The following GTF2I variants were observed in gnomAD, a reference collection of about 807,000 sequenced individuals.
GTF2I encodes general transcription factor IIi, also known as general transcription factor II-I.
A neutral mutation model predicts 67.6 loss-of-function variants in GTF2I; 12 were observed. That is an observed-to-expected ratio of 0.18 (90% confidence interval 0.11 to 0.29). The LOEUF (loss-of-function observed/expected upper bound fraction) is 0.29, where lower values mean the gene tolerates loss of function less well. Among genes scored for constraint, GTF2I ranks in the 10% least tolerant of loss-of-function variants. The pLI, the probability that GTF2I is intolerant of heterozygous loss-of-function variation, is 1.00. For missense variants in GTF2I, 271 were observed against 580.1 expected (o/e 0.47, Z 5.47); for synonymous variants, 149 against 197.0 (o/e 0.76, Z 2.04).
chr7:74,714,918 TATA>T lies in GTF2I; in HGVS notation c.823+5_823+7del, dbSNP rs1792072112. 6.3e-7 allele frequency: 1 copy of T among 1,584,832 alleles called. No homozygotes were observed. The highest frequency in any genetic ancestry group is 1.1e-5 in the South Asian group (1 of 87,910). On this transcript the variant is annotated splice_donor_5th_base_variant and intron_variant, in intron 10 of 34. Coordinates refer to ENST00000573035, the MANE Select transcript of GTF2I (RefSeq NM_032999.4). ...AGCCCCTATCGAAGCCTTTGCAAGG[TATA>T]ATCTTTTCACTTCCATTCTCCCACA...
At chr7:74,710,412 A>T (rs1584237698) in intron 8 of GTF2I, among the ~76,000 whole-genome samples, 1 of 152,234 alleles carries the variant, frequency 6.6e-6, no homozygotes, top group Admixed American at 6.5e-5. Context: ...CCCAAAGTCA[A>T]CTTTTTAATA....
chr7:74,702,740 T>TC (rs1189938515), intron 6 of GTF2I, among the ~76,000 whole-genome samples: 6 of 150,324 alleles, frequency 4.0e-5, no homozygotes, highest in African/African-American at 7.3e-5. Flanking sequence ...TTTCTTTCTT[T>TC]TTTTTTTTTT....
chr7:74,696,607 C>G (rs1584168662), intron 3 of GTF2I, among the ~76,000 whole-genome samples: 1 of 152,226 alleles, frequency 6.6e-6, no homozygotes, highest in East Asian at 1.9e-4. Context: ...ATTCTTCTGC[C>G]TCCGCCTCCC....
chr7:74,728,389 T>C (rs1257476386), intron 12 of GTF2I, among the ~76,000 whole-genome samples: 1 of 151,136 alleles, frequency 6.6e-6, no homozygotes, highest in Non-Finnish European at 1.5e-5. Flanking sequence ...TAAGCTTAAA[T>C]ATCTTTTCCA....
chr7:74,681,536 C>G (rs377458026), intron 1 of GTF2I, among the ~76,000 whole-genome samples: 1 of 152,172 alleles, frequency 6.6e-6, no homozygotes, highest in African/African-American at 2.4e-5. Flanking sequence ...ACAGTATATC[C>G]CGTGTCATCT....
intron 1 of GTF2I, among the ~76,000 whole-genome samples, chr7:74,667,115 A>G (rs587766532): frequency 6.6e-6 from 1 of 152,332 alleles, no homozygotes; most frequent in South Asian, 2.1e-4. Context: ...ATTCCACTCC[A>G]GCCTGGGCCA....
chr7:74,658,704 A>G (rs1396246743), intron 1 of GTF2I, among the ~76,000 whole-genome samples: 10 of 150,732 alleles, frequency 6.6e-5, no homozygotes, highest in African/African-American at 2.4e-4. Flanking sequence ...TCCCAGGTGG[A>G]GTCCGCAGTG....
intron 1 of GTF2I, among the ~76,000 whole-genome samples, chr7:74,662,076 C>G (rs1554386803): frequency 6.6e-6 from 1 of 151,838 alleles, no homozygotes; most frequent in African/African-American, 2.4e-5. Context: ...CCACATGCCC[C>G]TCCAGCGATT....
At chr7:74,690,911 C>G in intron 2 of GTF2I, 62 bp from the exon 3 acceptor site, 1 of 1,467,802 alleles carries the variant, frequency 6.8e-7, no homozygotes, top group Non-Finnish European at 9.3e-7. Flanking sequence ...TTTAATTCAT[C>G]GAGCAGAAAT....
intron 11 of GTF2I, among the ~76,000 whole-genome samples, chr7:74,717,797 T>C (rs1554403894): frequency 6.6e-6 from 1 of 152,220 alleles, no homozygotes; most frequent in Non-Finnish European, 1.5e-5. Context: ...ATCTTAAAAG[T>C]TCCCCAGTAT....
At chr7:74,726,767 G>A (rs1471170336) in intron 12 of GTF2I, 2 of 152,066 alleles carry the variant, frequency 1.3e-5, no homozygotes, top group African/African-American at 4.8e-5. Context: ...CCAGGAGCTC[G>A]AGGTTGCAGT....
intron 1 of GTF2I, among the ~76,000 whole-genome samples, chr7:74,663,003 C>G (rs1804657955): frequency 6.6e-6 from 1 of 152,066 alleles, no homozygotes; most frequent in Non-Finnish European, 1.5e-5. Context: ...TTTTCGATGA[C>G]CCATAGGTGG....
intron 1 of GTF2I, among the ~76,000 whole-genome samples, chr7:74,662,511 C>CTTTT (rs1161320476): frequency 0.18 from 9,113 of 50,214 alleles, 2,913 homozygotes; most frequent in East Asian, 0.25. Context: ...CACCTGGACC[C>CTTTT]TTTTTTTTTT....
At chr7:74,697,017 AAAAT>A (rs1311949881) in intron 3 of GTF2I, among the ~76,000 whole-genome samples, 2 of 149,102 alleles carry the variant, frequency 1.3e-5, no homozygotes, top group African/African-American at 5.2e-5. Flanking sequence ...ACATTAAAGA[AAAAT>A]AAAGAAAAAC....
intron 8 of GTF2I, among the ~76,000 whole-genome samples, chr7:74,710,241 C>T (rs1791359767): frequency 1.3e-5 from 2 of 152,156 alleles, no homozygotes; most frequent in Admixed American, 6.5e-5. Flanking sequence ...AGTCAGAGCT[C>T]ACGATTTCGT....
intron 11 of GTF2I, among the ~76,000 whole-genome samples, chr7:74,717,695 G>A (rs17515241): frequency 0.8 from 122,172 of 152,096 alleles, 49,230 homozygotes; most frequent in East Asian, 0.95. Context: ...GGAGTCTGTT[G>A]TGTAACTGCT....
chr7:74,681,184 C>T (rs1554394041), intron 1 of GTF2I, among the ~76,000 whole-genome samples: 1 of 151,910 alleles, frequency 6.6e-6, no homozygotes, highest in Non-Finnish European at 1.5e-5. Flanking sequence ...CCTGTAATCC[C>T]AGCACTTGGG....
intron 3 of GTF2I, among the ~76,000 whole-genome samples, chr7:74,695,868 C>T (rs1329589151): frequency 6.6e-6 from 1 of 152,158 alleles, no homozygotes; most frequent in Non-Finnish European, 1.5e-5. Flanking sequence ...TACTTATTCT[C>T]CCCTTCCCTG....
chr7:74,694,683 T>C (rs1788712345), intron 3 of GTF2I, among the ~76,000 whole-genome samples: 1 of 152,200 alleles, frequency 6.6e-6, no homozygotes, highest in South Asian at 2.1e-4. Flanking sequence ...TTAGAAGATC[T>C]AGCTGAGGTA....
Sources: allele counts gnomAD v4.1 joint callset (sites outside exome capture counted in the v4.1 genomes callset), GRCh38; gene constraint gnomAD v4.1.1; transcripts MANE v1.5; gene names NCBI Gene and HGNC (gene_info 2026-07-23, HGNC 2026-07-21).